CRNKL1: variants seen among roughly 807,000 people sequenced by gnomAD.
CRNKL1 encodes the protein crooked neck pre-mRNA splicing factor 1.
CRNKL1 carries 35 observed loss-of-function variants against 103.7 expected under a neutral mutation model. The ratio of observed to expected loss-of-function variants is 0.34; its 90% CI spans 0.26 to 0.45. CRNKL1 has a LOEUF of 0.45. Ranked by LOEUF, CRNKL1 falls within the 20% of genes least tolerant of loss-of-function variation. CRNKL1 has a pLI of 1.00. For missense variants in CRNKL1, 645 were observed against 836.0 expected, an observed-to-expected ratio of 0.77 and a Z score of 2.82; for synonymous variants, 267 against 282.6, an observed-to-expected ratio of 0.94 and a Z score of 0.55.
chr20:20,052,935 C>A (rs2043874147), upstream of CRNKL1, among the ~76,000 whole-genome samples: 1 of 151,744 alleles, frequency 6.6e-6, no homozygotes, highest in Admixed American at 6.6e-5. Context: ...CTAAGGTGCC[C>A]AAATAATTAA....
At chr20:20,047,654 C>T (rs2043614362) in intron 5 of CRNKL1, 111 bp downstream of exon 5, 10 of 1,091,266 alleles carry the variant, frequency 9.2e-6, no homozygotes, top group Non-Finnish European at 1.3e-5. Context: ...GCATTCTTGA[C>T]TTTGAGCCTG....
chr20:20,052,478 C>T (rs751937518), upstream of CRNKL1: 4 of 1,614,248 alleles, frequency 2.5e-6, no homozygotes, highest in Non-Finnish European at 3.4e-6. Flanking sequence ...GCAGGACTGA[C>T]CTTTGACCTC....
chr20:20,043,691 A>G lies in CRNKL1; in HGVS notation c.802-29T>C, dbSNP rs999819006. 9 of 1,593,002 alleles carry G rather than the reference A, an allele frequency of 5.6e-6. No homozygotes were observed. In the East Asian group the frequency reaches 6.7e-5, roughly 12 times the overall value. ...AATGCAGACAGGATGATTACCTTCT[A>G]TAACACAATATTCTCATGCCAGTCA... On this transcript the variant is annotated intron_variant, in intron 6 of 13. Coordinates refer to ENST00000536226, the MANE Select transcript of CRNKL1 (RefSeq NM_001278628.2).
chr20:20,055,033 C>T (rs535579695), upstream of CRNKL1, among the ~76,000 whole-genome samples: 39 of 152,222 alleles, frequency 2.6e-4, no homozygotes, highest in African/African-American at 9.4e-4. Flanking sequence ...GTGCTTCTTT[C>T]TAGATAATTT....
chr20:20,043,468 T>C (rs749059867), intron 7 of CRNKL1, 24 bp downstream of exon 7: 49 of 1,604,496 alleles, frequency 3.1e-5, no homozygotes, highest in Admixed American at 1.2e-4. Context: ...ATCTGCAGAG[T>C]TGACCATCCA....
chr20:20,054,878 A>C (rs538119032), upstream of CRNKL1, among the ~76,000 whole-genome samples: 1 of 152,312 alleles, frequency 6.6e-6, no homozygotes, highest in South Asian at 2.1e-4. Flanking sequence ...TCTGAACTGA[A>C]GGTTCATGTC....
intron 13 of CRNKL1, 145 bp from the exon 14 acceptor site, chr20:20,036,507 G>C: frequency 1.3e-6 from 1 of 745,462 alleles, no homozygotes; most frequent in Non-Finnish European, 2.2e-6. Context: ...CAAGGGCTGG[G>C]TCTGAAAGAC....
upstream of CRNKL1, chr20:20,052,714 CG>C: frequency 6.2e-7 from 1 of 1,608,796 alleles, no homozygotes; most frequent in Non-Finnish European, 8.5e-7. Context: ...TCTGTCGAGC[CG>C]TGGCGCCCTG....
chr20:20,045,598 A>C lies in CRNKL1; in HGVS notation c.623-112T>G, dbSNP rs553214071. 11 of 928,200 alleles carry C rather than the reference A, an allele frequency of 1.2e-5. No homozygotes were observed. The African/African-American group carries it at 1.7e-4, about 14-fold the overall frequency. The allele number at this position is 928,200 out of a possible 1,614,324, so 57.5% of individuals were successfully genotyped here. ...TGGAAACTCCAAAAATTCAAACTAC[A>C]ACTCTAGGGGAACAAAACACATACA... is the stretch of plus-strand genomic sequence containing the variant. On this transcript the variant is annotated intron_variant, in intron 5 of 13. Coordinates refer to ENST00000536226, the MANE Select transcript of CRNKL1 (RefSeq NM_001278628.2).
At chr20:20,037,634 A>G (rs958873224) in intron 12 of CRNKL1, 63 bp from the exon 13 acceptor site, 4 of 1,507,174 alleles carry the variant, frequency 2.7e-6, no homozygotes, top group Admixed American at 2.0e-5. Flanking sequence ...TAATGTAGTA[A>G]TAATAAAGCG....
At chr20:20,045,277 T>G in intron 6 of CRNKL1, 31 bp downstream of exon 6, 1 of 1,553,024 alleles carries the variant, frequency 6.4e-7, no homozygotes, top group Non-Finnish European at 8.8e-7. Context: ...GCTAAGCTGT[T>G]TTACAGTATA....
At position 20,036,179 on chromosome 20, in the gene CRNKL1, G is replaced by C. The variant is rs780470421; in HGVS notation, c.*16C>G. 3.1e-6 allele frequency: 5 copies of C among 1,606,798 alleles called. No individual in the cohort carries two copies. In the African/African-American group the frequency reaches 5.4e-5, roughly 17 times the overall value. On this transcript the variant is annotated 3_prime_UTR_variant, in exon 14 of 14. Coordinates refer to ENST00000536226, the MANE Select transcript of CRNKL1 (RefSeq NM_001278628.2). ...AATTTATAAAAATAACAAAACATTT[G>C]TCTATGAAAAAAAGATCAGGATTCA...
chr20:20,036,844 T>A (rs968497063), intron 13 of CRNKL1, among the ~76,000 whole-genome samples: 1 of 152,180 alleles, frequency 6.6e-6, no homozygotes, highest in African/African-American at 2.4e-5. Context: ...GCTCAGCTTA[T>A]AAAAACTGCT....
At chr20:20,041,283 C>T (rs760670340) in intron 9 of CRNKL1, among the ~76,000 whole-genome samples, 6 of 152,232 alleles carry the variant, frequency 3.9e-5, no homozygotes, top group Non-Finnish European at 7.3e-5. Context: ...CCCCCGCACA[C>T]GTTGTGTGCT....
At chr20:20,036,885 C>A (rs1484623990) in intron 13 of CRNKL1, among the ~76,000 whole-genome samples, 2 of 152,154 alleles carry the variant, frequency 1.3e-5, no homozygotes, top group Non-Finnish European at 2.9e-5. Context: ...CCAATCTAAG[C>A]CCCTTGAGTC....
chr20:20,038,619 G>C, intron 11 of CRNKL1, 169 bp from the exon 12 acceptor site: 1 of 470,818 alleles, frequency 2.1e-6, no homozygotes, highest in Non-Finnish European at 3.7e-6. Flanking sequence ...TCTATAAGCT[G>C]GCCAAAACTT....
chr20:20,041,608 T>G lies in CRNKL1; in HGVS notation c.1182A>C (p.Arg394Ser). 1 of 1,613,306 alleles carries G rather than the reference T, an allele frequency of 6.2e-7. No individual in the cohort carries two copies. Among genetic ancestry groups the G allele is most frequent in the Non-Finnish European group, 8.5e-7 (1 of 1,179,294 alleles). ...GTTCCAAAGAGGCTTGATACACCTG[T>G]CTTGTCCTCTCAGGATCCTGTATTA... ...ELEAKDPERT[R>S]QVYQASLELI... The change falls in exon 9 of 14, where the codon AGA (arginine) becomes AGC (serine). Residue 394 changes from arginine (R) to serine (S), a missense_variant. Physicochemically the swap from Arg to Ser is moderately radical, Grantham distance 110. This residue lies in a region of CRNKL1 where 582 missense variants were observed against 707.7 expected (regional missense o/e 0.82). Coordinates refer to ENST00000536226, the MANE Select transcript of CRNKL1 (RefSeq NM_001278628.2).
chr20:20,045,248 T>G (rs1291478513), intron 6 of CRNKL1, 60 bp downstream of exon 6: 2 of 1,389,806 alleles, frequency 1.4e-6, no homozygotes, highest in African/African-American at 2.9e-5. Context: ...GAACTCACCA[T>G]GCACAAAATG....
chr20:20,036,399 G>A, intron 13 of CRNKL1, 37 bp from the exon 14 acceptor site: 1 of 1,594,170 alleles, frequency 6.3e-7, no homozygotes, highest in Non-Finnish European at 8.6e-7. Context: ...AGCAAACGTG[G>A]GTGATATACT....
Sources: allele counts gnomAD v4.1 joint callset (sites outside exome capture counted in the v4.1 genomes callset), GRCh38; gene constraint gnomAD v4.1.1; regional missense constraint gnomAD v4.1.1; transcripts MANE v1.5; gene names NCBI Gene and HGNC (gene_info 2026-07-23, HGNC 2026-07-21).